LRRC37A3: variants seen among roughly 807,000 people sequenced by gnomAD.
LRRC37A3 encodes leucine rich repeat containing 37 member A3.
In LRRC37A3, 25 loss-of-function variants were observed where a neutral mutation model predicts 106.2. The ratio of observed to expected loss-of-function variants is 0.24; its 90% confidence interval spans 0.17 to 0.33. The LOEUF (loss-of-function observed/expected upper bound fraction) is 0.33, where lower values mean the gene tolerates loss of function less well. LRRC37A3 is among the 10% of genes least tolerant of loss of function. The pLI is 1.00. For missense variants in LRRC37A3, 712 were observed against 1,644.9 expected, an observed-to-expected ratio of 0.43 and a Z score of 9.81; for synonymous variants, 305 against 635.8, an observed-to-expected ratio of 0.48 and a Z score of 7.83.
At chr17:64,857,698 G>A (rs935555635) in intron 13 of LRRC37A3, among the ~76,000 whole-genome samples, 5 of 152,184 alleles carry the variant, frequency 3.3e-5, no homozygotes, top group Non-Finnish European at 5.9e-5. Context: ...TTCAGGGAAG[G>A]TGTCAAGAAG....
chr17:64,859,344 C>G, intron 12 of LRRC37A3, 98 bp downstream of exon 12: 1 of 1,303,588 alleles, frequency 7.7e-7, no homozygotes, highest in Non-Finnish European at 1.1e-6. Context: ...CCAAGATAAG[C>G]TATGGCCTGG....
chr17:64,885,170 A>ATTTTTT (rs1973833014), intron 8 of LRRC37A3, among the ~76,000 whole-genome samples: 1 of 102,106 alleles, frequency 9.8e-6, no homozygotes, highest in African/African-American at 4.0e-5. Context: ...TTTTTGCACA[A>ATTTTTT]TAGCTTAACA....
chr17:64,854,822 T>C (rs1567759371), intron 14 of LRRC37A3, among the ~76,000 whole-genome samples, 178 bp from the exon 15 acceptor site: 1 of 152,222 alleles, frequency 6.6e-6, no homozygotes, highest in Non-Finnish European at 1.5e-5. Flanking sequence ...GATTATTTAC[T>C]CTTGTGGCAC....
chr17:64,910,703 G>A (rs1974570599), intron 2 of LRRC37A3, among the ~76,000 whole-genome samples: 1 of 131,696 alleles, frequency 7.6e-6, no homozygotes, highest in African/African-American at 3.0e-5. Context: ...GGAGTGCAGT[G>A]GTGCAATCTT....
At chr17:64,916,903 A>C (rs1012258135) in intron 2 of LRRC37A3, among the ~76,000 whole-genome samples, 17 of 151,352 alleles carry the variant, frequency 1.1e-4, no homozygotes, top group Middle Eastern at 3.2e-3. Flanking sequence ...AGGAAATTAA[A>C]ACCAGAAGAA....
At chr17:64,857,329 G>T (rs1972710549) in intron 13 of LRRC37A3, among the ~76,000 whole-genome samples, 1 of 152,260 alleles carries the variant, frequency 6.6e-6, no homozygotes, top group Non-Finnish European at 1.5e-5. Flanking sequence ...AACAAAAGAT[G>T]TGTAAGATCT....
chr17:64,868,434 A>G, intron 10 of LRRC37A3, 28 bp downstream of exon 10: 1 of 1,609,716 alleles, frequency 6.2e-7, no homozygotes, highest in East Asian at 2.2e-5. Flanking sequence ...AACTACGTAA[A>G]AATAAATCTC....
intron 2 of LRRC37A3, among the ~76,000 whole-genome samples, chr17:64,916,779 C>G (rs1158062661): frequency 6.8e-6 from 1 of 146,974 alleles, no homozygotes; most frequent in Non-Finnish European, 1.5e-5. Context: ...GAGCAAGACT[C>G]TGTCTCAAAA....
At position 64,897,352 on chromosome 17, in the gene LRRC37A3, A is replaced by C; in HGVS notation, c.-95T>G. The C allele has an allele frequency of 6.3e-7, 1 of 1,591,790 alleles. No homozygotes were observed. On this transcript the variant is annotated 5_prime_UTR_variant, in exon 4 of 15. Transcript: ENST00000584306. ...TTATGCCACAGATCTGCTCCATGTCACCAGGGCACTCTTATGTCACAATCC... is the reference window on the plus strand; with the variant it reads ...TTATGCCACAGATCTGCTCCATGTCCCCAGGGCACTCTTATGTCACAATCC...
chr17:64,865,718 A>G (rs1328081375), intron 10 of LRRC37A3, among the ~76,000 whole-genome samples: 1 of 152,226 alleles, frequency 6.6e-6, no homozygotes, highest in Non-Finnish European at 1.5e-5. Flanking sequence ...GCATTCTCCG[A>G]CATAACCAGA....
chr17:64,860,995 C>T, intron 11 of LRRC37A3, 22 bp from the exon 12 acceptor site: 1 of 1,613,608 alleles, frequency 6.2e-7, no homozygotes, highest in Admixed American at 1.7e-5. Context: ...GAAGAGACTG[C>T]TTTGATCATG....
Position 64,896,490 on chromosome 17 carries a change from TGAA to T in LRRC37A3, c.765_767del (p.Ser256del). On this transcript the variant is annotated inframe_deletion, in exon 4 of 15. Coordinates refer to ENST00000584306, the MANE Select transcript of LRRC37A3 (RefSeq NM_199340.5). The stretch of plus-strand genomic sequence containing the variant: ...GCAGAGCTGGGGCCTCCTGCTGCAT[TGAA>T]GAAGGTTCTTCCTCAAGGAGCTGTG... 1 of 791,480 alleles carries T rather than the reference TGAA, an allele frequency of 1.3e-6. No homozygotes were observed. Among genetic ancestry groups the T allele is most frequent in the Non-Finnish European group, 1.9e-6 (1 of 515,036 alleles). The allele number at this position is 791,480 out of a possible 1,614,324, so 49.0% of individuals were successfully genotyped here.
At chr17:64,879,278 ATAC>A (rs1973612593) in intron 8 of LRRC37A3, among the ~76,000 whole-genome samples, 1 of 152,128 alleles carries the variant, frequency 6.6e-6, no homozygotes, top group East Asian at 1.9e-4. Flanking sequence ...CCTTGAGAAT[ATAC>A]TAACCACCAC....
chr17:64,855,611 G>A (rs1216009671), intron 14 of LRRC37A3, among the ~76,000 whole-genome samples: 3 of 151,116 alleles, frequency 2.0e-5, no homozygotes, highest in East Asian at 3.8e-4. Flanking sequence ...TGAGGGCAGA[G>A]TTCTAAGCCC....
chr17:64,874,114 G>A lies in LRRC37A3; in HGVS notation c.2907-4948C>T, dbSNP rs574354305. Among the ~76,000 whole-genome samples, 13 of 152,310 alleles carry A rather than the reference G, an allele frequency of 8.5e-5. No homozygotes were observed. The East Asian group carries it at 2.5e-3, about 29-fold the overall frequency. ...TAATTTCTCTTCAAAAACAATGCAG[G>A]TGCTGGGCATGGTTGCTCACACCTG... On this transcript the variant is annotated intron_variant, in intron 8 of 14. Transcript: ENST00000584306.
Position 64,860,877 on chromosome 17 carries a change from T to G in LRRC37A3, c.3269A>C (p.Glu1090Ala). ...GATGCCACTGCTGTCTGAGGGCTCC[T>G]CCGGCTCAATAATCAGCTCAGTGCT... The part of the protein sequence containing the change: ...YTSTELIIEP[E>A]EPSDSSGINL... Residue 1090 changes from glutamate to alanine, a missense_variant, in exon 12 of 15, where the codon GAG becomes GCG. Physicochemically the swap from Glu to Ala is moderately radical, Grantham distance 107 (BLOSUM62 -1). Coordinates refer to ENST00000584306, the MANE Select transcript of LRRC37A3 (RefSeq NM_199340.5). 1 of 1,614,226 alleles carries G rather than the reference T, an allele frequency of 6.2e-7. No homozygotes were observed. Among genetic ancestry groups the G allele is most frequent in the Non-Finnish European group, 8.5e-7 (1 of 1,180,028 alleles).
At chr17:64,861,189 T>C (rs942362120) in intron 11 of LRRC37A3, among the ~76,000 whole-genome samples, 5 of 152,174 alleles carry the variant, frequency 3.3e-5, no homozygotes, top group African/African-American at 7.2e-5. Context: ...ACTTGGAACA[T>C]TCCATAGTGT....
At chr17:64,867,825 G>A (rs1411176000) in intron 10 of LRRC37A3, among the ~76,000 whole-genome samples, 2 of 152,018 alleles carry the variant, frequency 1.3e-5, no homozygotes, top group Admixed American at 1.3e-4. Context: ...TGTAATCCTA[G>A]CACTTTGGGA....
intron 8 of LRRC37A3, among the ~76,000 whole-genome samples, chr17:64,873,700 G>C (rs1250455800): frequency 1.3e-5 from 2 of 150,938 alleles, no homozygotes; most frequent in African/African-American, 4.9e-5. Flanking sequence ...GCAGGCTGAA[G>C]ACAGAATGGG....
Sources: allele counts gnomAD v4.1 joint callset (sites outside exome capture counted in the v4.1 genomes callset), GRCh38; gene constraint gnomAD v4.1.1; transcripts MANE v1.5; gene names NCBI Gene and HGNC (gene_info 2026-07-23, HGNC 2026-07-21).